Variants in MOB3B observed in about 807,000 individuals in gnomAD.
The protein encoded by MOB3B is MOB kinase activator-like 2B.
Under a neutral mutation model 18.7 loss-of-function variants are expected in MOB3B, and 7 were observed. The observed-to-expected ratio is 0.37, with a 90% CI of 0.21 to 0.70. The LOEUF is 0.70. MOB3B is among the 30% of genes least tolerant of loss of function. MOB3B has a pLI of 0.52. For missense variants in MOB3B, 253 were observed against 281.3 expected (o/e 0.90, Z 0.72); for synonymous variants, 111 against 99.9 (o/e 1.11, Z -0.66).
At chr9:27,484,416 G>A (rs1026892620) in intron 1 of MOB3B, among the ~76,000 whole-genome samples, 3 of 152,148 alleles carry the variant, frequency 2.0e-5, no homozygotes, top group Non-Finnish European at 2.9e-5. Flanking sequence ...AAACTCAGGC[G>A]GGAGTAAGAA....
chr9:27,391,331 T>C (rs1821724654), intron 2 of MOB3B, among the ~76,000 whole-genome samples: 1 of 152,206 alleles, frequency 6.6e-6, no homozygotes, highest in African/African-American at 2.4e-5. Context: ...GTGAAGTTTA[T>C]TTATATAAAT....
At position 27,480,225 on chromosome 9, in the gene MOB3B, C is replaced by T. The variant is rs192211363; in HGVS notation, c.-198-24477G>A. 3.3e-3 allele frequency among the ~76,000 whole-genome samples: 499 copies of T among 151,994 alleles called. 11 individuals carry two copies. Among genetic ancestry groups the T allele is most frequent in the Non-Finnish European group, 2.6e-3 (176 of 67,998 alleles). On this transcript the variant is annotated intron_variant, in intron 1 of 3. Coordinates refer to ENST00000262244, the MANE Select transcript of MOB3B (RefSeq NM_024761.5). Reference sequence around the variant, plus strand: ...TGGAGTGTGGCGCAATCTCGGCTCACTGCAACTGCAACCTCTGCCTCCTGC... The same window carrying T: ...TGGAGTGTGGCGCAATCTCGGCTCATTGCAACTGCAACCTCTGCCTCCTGC...
Position 27,450,168 on chromosome 9 carries a change from G to T in MOB3B, c.418+4965C>A, listed in dbSNP as rs944403. ...TCATCGGAAAGGTTACCAAAGGGAT[G>T]CAACTATTTCCACAATGCACTTGAC... On this transcript the variant is annotated intron_variant, in intron 2 of 3. Coordinates refer to ENST00000262244, the MANE Select transcript of MOB3B (RefSeq NM_024761.5). 8.5e-3 allele frequency among the ~76,000 whole-genome samples: 1,297 copies of T among 152,182 alleles called. 63 individuals are homozygous for T. Among genetic ancestry groups the T allele is most frequent in the Admixed American group, 0.07 (1,070 of 15,280 alleles).
intron 2 of MOB3B, among the ~76,000 whole-genome samples, chr9:27,420,046 GA>G (rs1563864263): frequency 1.3e-5 from 2 of 151,428 alleles, no homozygotes; most frequent in African/African-American, 2.4e-5. Flanking sequence ...CAACAAACAT[GA>G]AAAAAAATGT....
intron 1 of MOB3B, among the ~76,000 whole-genome samples, chr9:27,528,554 C>T (rs1820476377): frequency 6.6e-6 from 1 of 152,350 alleles, no homozygotes; most frequent in South Asian, 2.1e-4. Context: ...TCGCTGGGGT[C>T]GGGCTCCTCC....
chr9:27,522,265 A>C (rs1820347463), intron 1 of MOB3B, among the ~76,000 whole-genome samples: 1 of 137,588 alleles, frequency 7.3e-6, no homozygotes, highest in East Asian at 2.0e-4. Flanking sequence ...AAAAAAAAAA[A>C]AGAAAAGAAA....
intron 2 of MOB3B, among the ~76,000 whole-genome samples, chr9:27,363,087 A>G (rs1166236297): frequency 6.6e-6 from 1 of 152,216 alleles, no homozygotes; most frequent in Non-Finnish European, 1.5e-5. Flanking sequence ...CCAGTTCATG[A>G]AAACTGATTG....
chr9:27,393,885 A>C (rs1276095811), intron 2 of MOB3B, among the ~76,000 whole-genome samples: 1 of 152,176 alleles, frequency 6.6e-6, no homozygotes, highest in East Asian at 1.9e-4. Context: ...CCTCCAAGTA[A>C]AAAAATAAAA....
intron 2 of MOB3B, among the ~76,000 whole-genome samples, chr9:27,442,059 A>T (rs764357199): frequency 1.3e-5 from 2 of 152,114 alleles, no homozygotes; most frequent in South Asian, 2.1e-4. Flanking sequence ...TTACTCAAAA[A>T]TTTTTTTGTT....
rs1316284068 is a variant in MOB3B, at chr9:27,329,956, A to G, written c.*631T>C. 1 of 152,220 alleles carries G rather than the reference A, an allele frequency of 6.6e-6. No homozygotes were observed. The highest frequency in any genetic ancestry group is 1.5e-5 in the Non-Finnish European group (1 of 68,054). 9.4% of individuals were successfully genotyped at this position (152,220 alleles called of 1,614,324 possible). A position where few individuals can be genotyped will look rare whatever the true frequency, so the allele number is the denominator to read the frequency against. On this transcript the variant is annotated 3_prime_UTR_variant, in exon 4 of 4. Coordinates refer to ENST00000262244, the MANE Select transcript of MOB3B (RefSeq NM_024761.5). Reference sequence around the variant, plus strand: ...CACCCCATGGAGTGTCCCTGATAAAACTATTTATTAGGGAAATGCTATGGA... The same window carrying G: ...CACCCCATGGAGTGTCCCTGATAAAGCTATTTATTAGGGAAATGCTATGGA...
chr9:27,340,837 C>T (rs542164141), intron 3 of MOB3B, among the ~76,000 whole-genome samples: 1 of 152,342 alleles, frequency 6.6e-6, no homozygotes, highest in African/African-American at 2.4e-5. Context: ...TCTCCAGAGC[C>T]CCCATGGAGG....
intron 3 of MOB3B, among the ~76,000 whole-genome samples, chr9:27,332,496 T>C (rs1203114108): frequency 6.6e-6 from 1 of 152,234 alleles, no homozygotes; most frequent in East Asian, 1.9e-4. Context: ...TAGTTAAATA[T>C]CTATAAGATG....
intron 2 of MOB3B, among the ~76,000 whole-genome samples, chr9:27,379,224 C>T (rs1006949465): frequency 6.6e-6 from 1 of 152,154 alleles, no homozygotes; most frequent in African/African-American, 2.4e-5. Flanking sequence ...TTCCCAGACC[C>T]CCTTGTGATT....
At chr9:27,403,742 G>A (rs1821922287) in intron 2 of MOB3B, among the ~76,000 whole-genome samples, 1 of 151,868 alleles carries the variant, frequency 6.6e-6, no homozygotes. Context: ...GCCTCCCAAA[G>A]TGCTGGGATT....
At chr9:27,483,695 G>A (rs1236840678) in intron 1 of MOB3B, among the ~76,000 whole-genome samples, 2 of 152,190 alleles carry the variant, frequency 1.3e-5, no homozygotes, top group East Asian at 1.9e-4. Context: ...AATGTGAGGT[G>A]TGGGTGCACG....
intron 2 of MOB3B, among the ~76,000 whole-genome samples, chr9:27,375,365 C>A (rs957454585): frequency 7.2e-5 from 11 of 152,178 alleles, no homozygotes; most frequent in African/African-American, 2.7e-4. Flanking sequence ...AGACAGACTT[C>A]TGGGGATGAT....
chr9:27,461,366 T>C (rs1267528953), intron 1 of MOB3B, among the ~76,000 whole-genome samples: 2 of 152,250 alleles, frequency 1.3e-5, no homozygotes, highest in Non-Finnish European at 2.9e-5. Context: ...GTGCCATCTT[T>C]GCCCACAGGA....
intron 2 of MOB3B, among the ~76,000 whole-genome samples, chr9:27,407,869 C>T (rs1417943068): frequency 6.6e-6 from 1 of 152,064 alleles, no homozygotes; most frequent in Non-Finnish European, 1.5e-5. Flanking sequence ...TCAGTTTTTT[C>T]CCCCATTTTT....
intron 2 of MOB3B, among the ~76,000 whole-genome samples, chr9:27,438,712 C>A (rs761732920): frequency 1.3e-5 from 2 of 152,130 alleles, no homozygotes; most frequent in African/African-American, 2.4e-5. Context: ...CGTACACTTG[C>A]GGCGCCTGAA....
Sources: allele counts gnomAD v4.1 joint callset (sites outside exome capture counted in the v4.1 genomes callset), GRCh38; gene constraint gnomAD v4.1.1; transcripts MANE v1.5; gene names NCBI Gene and HGNC (gene_info 2026-07-23, HGNC 2026-07-21).